CSMD1: variants seen among roughly 807,000 people sequenced by gnomAD.
CSMD1 encodes CUB and Sushi multiple domains 1.
Under a neutral mutation model 417.5 loss-of-function variants are expected in CSMD1, and 213 were observed. The observed-to-expected ratio is 0.51, with a 90% CI of 0.46 to 0.57. The LOEUF is 0.57. Among genes scored for constraint, CSMD1 ranks in the 20% least tolerant of loss-of-function variants. CSMD1 has a pLI of 0.00. For synonymous variants in CSMD1, 2,862 were observed against 1,736.8 expected (o/e 1.65, Z -16.11); for missense variants, 6,923 against 4,529.7 (o/e 1.53, Z -15.17).
intron 3 of CSMD1, among the ~76,000 whole-genome samples, chr8:4,382,068 C>T (rs568618509): frequency 6.6e-6 from 1 of 152,150 alleles, no homozygotes; most frequent in Non-Finnish European, 1.5e-5. Flanking sequence ...GGACTCTCAG[C>T]CATGACTTTC....
chr8:4,072,959 T>C (rs1166821115), intron 3 of CSMD1, among the ~76,000 whole-genome samples: 2 of 152,214 alleles, frequency 1.3e-5, no homozygotes, highest in Non-Finnish European at 2.9e-5. Context: ...TTTAAAATTT[T>C]GCTCGTGACA....
chr8:4,333,380 C>A (rs531165058), intron 3 of CSMD1, among the ~76,000 whole-genome samples: 1 of 152,202 alleles, frequency 6.6e-6, no homozygotes, highest in Non-Finnish European at 1.5e-5. Flanking sequence ...GCTCCAGGGA[C>A]GGCTGACAGG....
At chr8:4,244,929 A>G (rs1802614472) in intron 3 of CSMD1, among the ~76,000 whole-genome samples, 1 of 152,218 alleles carries the variant, frequency 6.6e-6, no homozygotes, top group Non-Finnish European at 1.5e-5. Context: ...CCAATTTGTC[A>G]TCACCATTGC....
At chr8:4,052,786 G>C (rs1466400415) in intron 3 of CSMD1, among the ~76,000 whole-genome samples, 1 of 152,128 alleles carries the variant, frequency 6.6e-6, no homozygotes. Flanking sequence ...GACACATCCT[G>C]GAACCCACTT....
At chr8:4,297,112 T>TA (rs1435935531) in intron 3 of CSMD1, among the ~76,000 whole-genome samples, 4 of 152,106 alleles carry the variant, frequency 2.6e-5, no homozygotes, top group African/African-American at 9.7e-5. Flanking sequence ...ATCGTAGGTG[T>TA]AATACGTTTT....
intron 1 of CSMD1, among the ~76,000 whole-genome samples, chr8:4,925,607 T>C (rs62488176): frequency 0.02 from 3,078 of 151,232 alleles, 66 homozygotes; most frequent in African/African-American, 0.057. Context: ...AGTGCAGTGG[T>C]GCAGTCTCGG....
chr8:4,623,212 T>C (rs1481409442), intron 2 of CSMD1, among the ~76,000 whole-genome samples: 1 of 152,130 alleles, frequency 6.6e-6, no homozygotes, highest in Non-Finnish European at 1.5e-5. Flanking sequence ...AAGGAAGATA[T>C]CTGAATGATC....
At chr8:3,794,807 A>G (rs1427866324) in intron 5 of CSMD1, among the ~76,000 whole-genome samples, 1 of 152,082 alleles carries the variant, frequency 6.6e-6, no homozygotes, top group Non-Finnish European at 1.5e-5. Flanking sequence ...CAACTTGTCA[A>G]TAAACTTTAA....
intron 8 of CSMD1, among the ~76,000 whole-genome samples, chr8:3,597,760 C>A (rs895614536): frequency 6.6e-6 from 1 of 152,100 alleles, no homozygotes; most frequent in Non-Finnish European, 1.5e-5. Flanking sequence ...ATTGCATGTT[C>A]TCACTCATAA....
chr8:3,345,021 G>A (rs1442653764), intron 22 of CSMD1, among the ~76,000 whole-genome samples: 1 of 152,188 alleles, frequency 6.6e-6, no homozygotes, highest in Non-Finnish European at 1.5e-5. Context: ...AGGAATCTGG[G>A]TCAAAGAGAA....
intron 14 of CSMD1, among the ~76,000 whole-genome samples, chr8:3,407,687 T>C (rs1045520065): frequency 6.6e-6 from 1 of 152,184 alleles, no homozygotes; most frequent in Non-Finnish European, 1.5e-5. Context: ...CTTCTTAGTT[T>C]AGGAGTGATG....
At chr8:3,910,903 C>G (rs899680892) in intron 5 of CSMD1, among the ~76,000 whole-genome samples, 1 of 151,958 alleles carries the variant, frequency 6.6e-6, no homozygotes, top group African/African-American at 2.4e-5. Flanking sequence ...GTGCTTCCTA[C>G]ACAGTATCTA....
intron 5 of CSMD1, among the ~76,000 whole-genome samples, chr8:3,862,742 G>T (rs534300727): frequency 1.9e-4 from 29 of 152,208 alleles, no homozygotes; most frequent in African/African-American, 6.7e-4. Context: ...TAGGAGAAAT[G>T]ATTATGTTTG....
intron 6 of CSMD1, among the ~76,000 whole-genome samples, chr8:3,736,800 G>A (rs542321936): frequency 1.4e-4 from 22 of 152,328 alleles, no homozygotes; most frequent in South Asian, 4.1e-4. Context: ...AGTGGGAGTG[G>A]CATAAATAGG....
chr8:3,904,140 GATAA>G lies in CSMD1; in HGVS notation c.818+93759_818+93762del, dbSNP rs557087249. 1.7e-3 allele frequency among the ~76,000 whole-genome samples: 265 copies of G among 152,080 alleles called. 2 individuals carry two copies. The highest frequency in any genetic ancestry group is 1.6e-3 in the Non-Finnish European group (112 of 67,996). ...TAATTCGGCCTTGTAATTATATTTGGATAAATATTATTTTCACTTTGCTACAATA... is the reference window on the plus strand; with the variant it reads ...TAATTCGGCCTTGTAATTATATTTGGATATTATTTTCACTTTGCTACAATA... On this transcript the variant is annotated intron_variant, in intron 5 of 69. Coordinates refer to ENST00000635120, the MANE Select transcript of CSMD1 (RefSeq NM_033225.6).
At chr8:4,222,936 A>G (rs1585049666) in intron 3 of CSMD1, among the ~76,000 whole-genome samples, 1 of 152,306 alleles carries the variant, frequency 6.6e-6, no homozygotes, top group East Asian at 1.9e-4. Flanking sequence ...CCAAGTCCTA[A>G]AAAGACATTT....
rs937516750 is a variant in CSMD1, at chr8:4,079,499, C to G, written c.416-47400G>C. ...TAAAGCATGCAAATTATTATTGTGCCTATTGAAACAATGAAGACAGCTGCA... is the reference window on the plus strand; with the variant it reads ...TAAAGCATGCAAATTATTATTGTGCGTATTGAAACAATGAAGACAGCTGCA... On this transcript the variant is annotated intron_variant, in intron 3 of 69. Coordinates refer to ENST00000635120, the MANE Select transcript of CSMD1 (RefSeq NM_033225.6). Among the ~76,000 whole-genome samples the G allele has an allele frequency of 3.9e-5, 6 of 152,232 alleles. No individual in the cohort carries two copies. The East Asian group carries it at 1.2e-3, about 29-fold the overall frequency.
At chr8:3,358,574 G>A (rs962213076) in intron 21 of CSMD1, among the ~76,000 whole-genome samples, 1 of 151,958 alleles carries the variant, frequency 6.6e-6, no homozygotes, top group Admixed American at 6.5e-5. Flanking sequence ...TCATGGCAAA[G>A]TACCGAAATA....
Position 3,399,412 on chromosome 8 carries a change from G to A in CSMD1, c.2384C>T (p.Ser795Phe). 6.2e-7 allele frequency: 1 copy of A among 1,605,880 alleles called. No individual in the cohort carries two copies. Among genetic ancestry groups the A allele is most frequent in the Non-Finnish European group, 8.5e-7 (1 of 1,176,646 alleles). ...TTACCTGTCAAAAGTTATTTTGATA[G>A]AGTGGCCTGGTTTTGCTTCAATTAT... is the stretch of plus-strand genomic sequence containing the variant. Reference protein sequence around the residue: ...EWIIEAKPGHSIKITFDRFQT... With the variant: ...EWIIEAKPGHFIKITFDRFQT... The change falls in exon 16 of 70, where the codon TCT (serine) becomes TTT (phenylalanine). Residue 795 changes from serine (S) to phenylalanine (F), a missense_variant. By Grantham distance (155) the Ser-to-Phe change is radical. Transcript: ENST00000635120.
Sources: gnomAD v4.1 joint callset for allele counts (sites outside exome capture counted in the v4.1 genomes callset) on GRCh38, gnomAD v4.1.1 for gene constraint, MANE v1.5 for transcripts, NCBI Gene and HGNC (gene_info 2026-07-23, HGNC 2026-07-21) for gene names.